The following COL4A2 variants were observed in gnomAD, a reference collection of about 807,000 sequenced individuals.
COL4A2 encodes collagen alpha-2(IV) chain.
Under a neutral mutation model 200.2 loss-of-function variants are expected in COL4A2, and 99 were observed. The ratio of observed to expected loss-of-function variants is 0.49; its 90% confidence interval spans 0.42 to 0.58. The LOEUF (loss-of-function observed/expected upper bound fraction) is 0.58, where lower values mean the gene tolerates loss of function less well. Ranked by LOEUF, COL4A2 falls within the 20% of genes least tolerant of loss-of-function variation. The pLI, the probability that COL4A2 is intolerant of heterozygous loss-of-function variation, is 0.00. For synonymous variants in COL4A2, 897 were observed against 900.6 expected, an observed-to-expected ratio of 1.00 and a Z score of 0.07; for missense variants, 1,950 against 2,314.1, an observed-to-expected ratio of 0.84 and a Z score of 3.23.
At chr13:110,389,205 G>A (rs565981511) in intron 4 of COL4A2, among the ~76,000 whole-genome samples, 22 of 152,336 alleles carry the variant, frequency 1.4e-4, no homozygotes, top group Non-Finnish European at 2.8e-4. Flanking sequence ...GAGAACAGGA[G>A]TTGAAACCTG....
At chr13:110,333,463 TA>T (rs1044943589) in intron 3 of COL4A2, among the ~76,000 whole-genome samples, 4 of 152,232 alleles carry the variant, frequency 2.6e-5, no homozygotes, top group Non-Finnish European at 1.5e-5. Flanking sequence ...TGTGTTCTGG[TA>T]CCTACAGGCT....
At chr13:110,411,843 CT>C (rs1217590258) in intron 4 of COL4A2, among the ~76,000 whole-genome samples, 3 of 152,210 alleles carry the variant, frequency 2.0e-5, no homozygotes, top group Non-Finnish European at 4.4e-5. Flanking sequence ...CCATATGACT[CT>C]TCTCTTTCAT....
chr13:110,424,260 T>C (rs3929761), intron 4 of COL4A2, among the ~76,000 whole-genome samples: 84,565 of 132,562 alleles, frequency 0.64, 25,253 homozygotes, highest in East Asian at 0.8. Flanking sequence ...TTTCAGAAGC[T>C]CTTTTTTTTC....
chr13:110,408,571 C>T (rs1879666203), intron 4 of COL4A2, among the ~76,000 whole-genome samples: 1 of 152,174 alleles, frequency 6.6e-6, no homozygotes, highest in South Asian at 2.1e-4. Flanking sequence ...ACATGCAGAG[C>T]CGCCCTCTGG....
intron 3 of COL4A2, among the ~76,000 whole-genome samples, chr13:110,353,342 C>T (rs559515326): frequency 1.2e-4 from 19 of 152,126 alleles, no homozygotes; most frequent in Admixed American, 3.9e-4. Flanking sequence ...AAGGAGTTGA[C>T]AAGAATAGGA....
intron 6 of COL4A2, among the ~76,000 whole-genome samples, chr13:110,427,541 G>A (rs183911945): frequency 1.7e-3 from 256 of 152,310 alleles, no homozygotes; most frequent in African/African-American, 5.7e-3. Flanking sequence ...TGGAATATAT[G>A]TTTGGTTTAT....
At chr13:110,350,922 CCT>C (rs1036394194) in intron 3 of COL4A2, among the ~76,000 whole-genome samples, 4 of 152,172 alleles carry the variant, frequency 2.6e-5, no homozygotes, top group African/African-American at 7.2e-5. Context: ...GATCAGTTTT[CCT>C]CTCTGTTTCC....
In COL4A2 at chr13:110,465,453, C is replaced by T; in HGVS notation, c.1825C>T (p.Pro609Ser). 3 of 1,613,908 alleles carry T rather than the reference C, an allele frequency of 1.9e-6. No homozygotes were observed. Among genetic ancestry groups the T allele is most frequent in the Non-Finnish European group, 2.5e-6 (3 of 1,179,968 alleles). Residue 609 changes from proline to serine, a missense_variant, in exon 25 of 48, where the codon CCT (proline) becomes TCT (serine). Physicochemically the swap from Pro to Ser is moderately conservative, Grantham distance 74 (BLOSUM62 -1). Coordinates refer to ENST00000360467, the MANE Select transcript of COL4A2 (RefSeq NM_001846.4). ...AGGGGACCCAGGCTATCCAGGAATACCTGGAACGAAGGGTACTCCAGGAGA... is the reference window on the plus strand; with the variant it reads ...AGGGGACCCAGGCTATCCAGGAATATCTGGAACGAAGGGTACTCCAGGAGA... ...PPGDPGYPGI[P>S]GTKGTPGEMG...
chr13:110,493,079 ATGGGTGAAATAACGATGAGTGACACCCC>A, intron 38 of COL4A2, 104 bp from the exon 39 acceptor site: 89 of 860,484 alleles, frequency 1.0e-4, no homozygotes, highest in South Asian at 2.7e-4. Context: ...TGACACCCCC[ATGGGTGAAATAACGATGAGTGACACCCC>A]CATGGGTGAA....
intron 4 of COL4A2, among the ~76,000 whole-genome samples, chr13:110,358,940 T>C (rs1320980799): frequency 6.6e-6 from 1 of 152,222 alleles, no homozygotes; most frequent in Non-Finnish European, 1.5e-5. Flanking sequence ...GTACGTGTGT[T>C]TGCATGTGTG....
chr13:110,440,392 G>A (rs1812750069), intron 16 of COL4A2, among the ~76,000 whole-genome samples: 1 of 152,140 alleles, frequency 6.6e-6, no homozygotes, highest in Non-Finnish European at 1.5e-5. Context: ...GAGGTCAGGA[G>A]TATGAGGCCA....
At position 110,318,137 on chromosome 13, in the gene COL4A2, C is replaced by T. The variant is rs114468388; in HGVS notation, c.99+10014C>T. Among the ~76,000 whole-genome samples, 1,517 of 152,260 alleles carry T rather than the reference C, an allele frequency of 1.0e-2. 26 individuals carry two copies. The highest frequency in any genetic ancestry group is 0.034 in the African/African-American group (1,426 of 41,542). ...GAGAATGCTTGTCTTCATCTGTAAA[C>T]GGGAATACTGAAAACTATGTCCCAG... On this transcript the variant is annotated intron_variant, in intron 3 of 47. Coordinates refer to ENST00000360467, the MANE Select transcript of COL4A2 (RefSeq NM_001846.4).
At chr13:110,440,445 A>G (rs1172493816) in intron 16 of COL4A2, among the ~76,000 whole-genome samples, 1 of 152,030 alleles carries the variant, frequency 6.6e-6, no homozygotes, top group Non-Finnish European at 1.5e-5. Flanking sequence ...TAAAAATACA[A>G]AATTTGCCAG....
chr13:110,509,270 T>TATATATACACACACACACACACAC (rs1435137108), intron 47 of COL4A2, among the ~76,000 whole-genome samples: 1 of 115,578 alleles, frequency 8.7e-6, no homozygotes, highest in African/African-American at 3.5e-5. Flanking sequence ...TATATATATA[T>TATATATACACACACACACACACAC]ACACACACAC....
chr13:110,309,786 G>A (rs1000967347), intron 3 of COL4A2, among the ~76,000 whole-genome samples: 1 of 152,008 alleles, frequency 6.6e-6, no homozygotes, highest in Non-Finnish European at 1.5e-5. Context: ...TCAGGAGTTC[G>A]AGACCACCCT....
intron 25 of COL4A2, 83 bp from the exon 26 acceptor site, chr13:110,465,920 C>A: frequency 6.6e-7 from 1 of 1,512,358 alleles, no homozygotes; most frequent in Non-Finnish European, 9.1e-7. Flanking sequence ...GACACACCTT[C>A]ACACACGTGC....
At chr13:110,462,441 C>A in intron 24 of COL4A2, 57 bp downstream of exon 24, 1 of 1,566,388 alleles carries the variant, frequency 6.4e-7, no homozygotes, top group South Asian at 1.1e-5. Context: ...TTCAGGTTCT[C>A]CAAACACCCC....
chr13:110,479,824 G>A (rs529152937), intron 30 of COL4A2, among the ~76,000 whole-genome samples: 2 of 152,154 alleles, frequency 1.3e-5, no homozygotes, highest in African/African-American at 2.4e-5. Context: ...AGGGTCCCCC[G>A]GGACTAACTC....
At chr13:110,366,865 C>T (rs1877778611) in intron 4 of COL4A2, among the ~76,000 whole-genome samples, 2 of 152,200 alleles carry the variant, frequency 1.3e-5, no homozygotes, top group African/African-American at 4.8e-5. Context: ...CAACCTGAGG[C>T]CCTGAGCTGC....
Sources: gnomAD v4.1 joint callset for allele counts (sites outside exome capture counted in the v4.1 genomes callset) on GRCh38, gnomAD v4.1.1 for gene constraint, MANE v1.5 for transcripts, NCBI Gene and HGNC (gene_info 2026-07-23, HGNC 2026-07-21) for gene names.